The following FHIT variants were observed in gnomAD, a reference collection of about 807,000 sequenced individuals.
The protein encoded by FHIT is fragile histidine triad diadenosine triphosphatase, also known as bis(5'-adenosyl)-triphosphatase.
In FHIT, 19 loss-of-function variants were observed where a neutral mutation model predicts 17.9. That is an observed-to-expected ratio of 1.06 (90% CI 0.74 to 1.56). FHIT has a LOEUF of 1.56. Among genes scored for constraint, FHIT ranks in the 40% most tolerant of loss-of-function variants. The pLI, the probability that FHIT is intolerant of heterozygous loss-of-function variation, is 0.00. For synonymous variants in FHIT, 81 were observed against 69.7 expected (o/e 1.16, Z -0.81); for missense variants, 248 against 189.2 (o/e 1.31, Z -1.82).
At chr3:60,207,402 A>G (rs1703246875) in intron 5 of FHIT, among the ~76,000 whole-genome samples, 1 of 152,224 alleles carries the variant, frequency 6.6e-6, no homozygotes, top group East Asian at 1.9e-4. Context: ...TGGCCTTCCA[A>G]CAGACCTCGA....
At chr3:61,169,402 TAA>T (rs907789832) in intron 2 of FHIT, among the ~76,000 whole-genome samples, 1 of 152,160 alleles carries the variant, frequency 6.6e-6, no homozygotes, top group East Asian at 1.9e-4. Context: ...ATAAGTAAAA[TAA>T]AATCTTTAGC....
At chr3:60,459,193 C>T (rs928825814) in intron 5 of FHIT, among the ~76,000 whole-genome samples, 3 of 152,094 alleles carry the variant, frequency 2.0e-5, no homozygotes, top group Non-Finnish European at 4.4e-5. Context: ...GTTTAAAATA[C>T]AAGCTACATC....
intron 2 of FHIT, among the ~76,000 whole-genome samples, chr3:61,130,696 G>A (rs1275122820): frequency 1.3e-5 from 2 of 152,200 alleles, no homozygotes; most frequent in Non-Finnish European, 2.9e-5. Context: ...GAGCTAAAGA[G>A]AAGGCTGTGT....
At chr3:60,887,383 G>A (rs911949487) in intron 3 of FHIT, among the ~76,000 whole-genome samples, 3 of 152,148 alleles carry the variant, frequency 2.0e-5, no homozygotes, top group Non-Finnish European at 2.9e-5. Context: ...GGTGCCTTAC[G>A]CCTGTAATCC....
chr3:60,247,424 T>TTGAAGATGAAGATGAA (rs1553722495), intron 5 of FHIT, among the ~76,000 whole-genome samples: 1 of 151,134 alleles, frequency 6.6e-6, no homozygotes, highest in Non-Finnish European at 1.5e-5. Context: ...AGGAAGAAGA[T>TTGAAGATGAAGATGAA]GATGAAGATG....
At chr3:59,966,863 T>TATGTAATA (rs1707950691) in intron 7 of FHIT, among the ~76,000 whole-genome samples, 1 of 152,184 alleles carries the variant, frequency 6.6e-6, no homozygotes, top group African/African-American at 2.4e-5. Context: ...CTTCTAAATT[T>TATGTAATA]ATGTAATAAA....
chr3:60,656,390 C>A (rs1211188471), intron 4 of FHIT, among the ~76,000 whole-genome samples: 1 of 152,108 alleles, frequency 6.6e-6, no homozygotes, highest in African/African-American at 2.4e-5. Context: ...TTACTGGGGG[C>A]AAGATTTGTT....
At chr3:60,914,984 A>G (rs541886440) in intron 3 of FHIT, among the ~76,000 whole-genome samples, 3 of 152,330 alleles carry the variant, frequency 2.0e-5, no homozygotes, top group South Asian at 2.1e-4. Flanking sequence ...ATAAATTTCA[A>G]TCTCCACTGC....
intron 4 of FHIT, among the ~76,000 whole-genome samples, chr3:60,591,764 C>G (rs1261753377): frequency 6.6e-6 from 1 of 151,990 alleles, no homozygotes; most frequent in Admixed American, 6.6e-5. Flanking sequence ...GAAGAGGGTG[C>G]TTTCCATACA....
At chr3:60,061,165 G>A (rs1009109729) in intron 5 of FHIT, among the ~76,000 whole-genome samples, 1 of 151,844 alleles carries the variant, frequency 6.6e-6, no homozygotes, top group Non-Finnish European at 1.5e-5. Flanking sequence ...TCTAACAAGA[G>A]CCCAGTGGAT....
chr3:60,189,974 C>T (rs748947368), intron 5 of FHIT, among the ~76,000 whole-genome samples: 1 of 152,152 alleles, frequency 6.6e-6, no homozygotes, highest in Non-Finnish European at 1.5e-5. Flanking sequence ...ATGCTCTTTC[C>T]CTTAGGAACC....
At chr3:60,279,164 G>C (rs910865109) in intron 5 of FHIT, among the ~76,000 whole-genome samples, 2 of 151,964 alleles carry the variant, frequency 1.3e-5, no homozygotes, top group Admixed American at 1.3e-4. Context: ...GAAAAAAAGA[G>C]CAACAATACA....
chr3:61,245,407 C>T (rs2040466169), intron 1 of FHIT, among the ~76,000 whole-genome samples: 1 of 152,108 alleles, frequency 6.6e-6, no homozygotes, highest in Non-Finnish European at 1.5e-5. Flanking sequence ...CTATCGAGTC[C>T]ATTCTCTTAA....
At chr3:59,902,387 T>G (rs9858972) in intron 8 of FHIT, among the ~76,000 whole-genome samples, 7,212 of 147,312 alleles carry the variant, frequency 0.049, 569 homozygotes, top group African/African-American at 0.17. Context: ...GAGTACAGAG[T>G]TTCCTCAAAA....
At chr3:60,943,958 C>G (rs553095510) in intron 3 of FHIT, among the ~76,000 whole-genome samples, 5 of 152,284 alleles carry the variant, frequency 3.3e-5, no homozygotes, top group African/African-American at 1.2e-4. Context: ...TCAACCTCCT[C>G]ATTTTTAAAA....
chr3:59,760,915 G>C (rs1266948866), intron 8 of FHIT, among the ~76,000 whole-genome samples: 1 of 151,920 alleles, frequency 6.6e-6, no homozygotes, highest in Non-Finnish European at 1.5e-5. Flanking sequence ...CCAGGCTTAA[G>C]TGATCCAGCC....
intron 4 of FHIT, among the ~76,000 whole-genome samples, chr3:60,651,750 C>T (rs988422585): frequency 6.6e-6 from 1 of 152,092 alleles, no homozygotes; most frequent in Non-Finnish European, 1.5e-5. Flanking sequence ...TCTGCTCATT[C>T]CAAGCATTAG....
At chr3:60,376,202 C>T (rs1700553296) in intron 5 of FHIT, among the ~76,000 whole-genome samples, 1 of 152,146 alleles carries the variant, frequency 6.6e-6, no homozygotes, top group Non-Finnish European at 1.5e-5. Context: ...CTGTCTTGAT[C>T]CCACAAAAGC....
At chr3:59,898,681 C>G (rs1559710555) in intron 8 of FHIT, among the ~76,000 whole-genome samples, 1 of 151,370 alleles carries the variant, frequency 6.6e-6, no homozygotes, top group African/African-American at 2.4e-5. Context: ...CCACTGTTGT[C>G]ATTTATGGTC....
Sources: gnomAD v4.1 joint callset for allele counts (sites outside exome capture counted in the v4.1 genomes callset) on GRCh38, gnomAD v4.1.1 for gene constraint, MANE v1.5 for transcripts, NCBI Gene and HGNC (gene_info 2026-07-23, HGNC 2026-07-21) for gene names.